The following NRG3 variants were observed in gnomAD, a reference collection of about 807,000 sequenced individuals.
NRG3 encodes the protein neuregulin 3.
A neutral mutation model predicts 66.9 loss-of-function variants in NRG3; 31 were observed. The ratio of observed to expected loss-of-function variants is 0.46; its 90% CI spans 0.35 to 0.63. The LOEUF (loss-of-function observed/expected upper bound fraction) is 0.63. NRG3 is among the 20% of genes least tolerant of loss of function. NRG3 has a pLI of 0.00. For missense variants in NRG3, 910 were observed against 878.9 expected, an observed-to-expected ratio of 1.04 and a Z score of -0.45; for synonymous variants, 393 against 359.4, an observed-to-expected ratio of 1.09 and a Z score of -1.06.
intron 1 of NRG3, among the ~76,000 whole-genome samples, chr10:82,079,781 T>C (rs974235136): frequency 6.6e-6 from 1 of 152,128 alleles, no homozygotes; most frequent in Non-Finnish European, 1.5e-5. Context: ...TTCCTTCATA[T>C]CTTTTCATGG....
chr10:82,164,484 AC>A (rs2071877303), intron 1 of NRG3, among the ~76,000 whole-genome samples: 1 of 152,102 alleles, frequency 6.6e-6, no homozygotes, highest in South Asian at 2.1e-4. Context: ...GTACTCATTA[AC>A]CAACCCCTCT....
chr10:82,749,667 C>T (rs1295978926), intron 3 of NRG3, among the ~76,000 whole-genome samples: 1 of 152,018 alleles, frequency 6.6e-6, no homozygotes. Flanking sequence ...CTCCACATCC[C>T]ATATTCATAA....
At chr10:82,635,910 T>C (rs962232324) in intron 2 of NRG3, among the ~76,000 whole-genome samples, 1 of 152,088 alleles carries the variant, frequency 6.6e-6, no homozygotes, top group African/African-American at 2.4e-5. Flanking sequence ...GGAAGGAGAT[T>C]GCCTGGTGAG....
At chr10:82,488,453 A>T (rs1325623676) in intron 2 of NRG3, among the ~76,000 whole-genome samples, 2 of 152,260 alleles carry the variant, frequency 1.3e-5, no homozygotes, top group Admixed American at 6.5e-5. Flanking sequence ...AATCTGGACT[A>T]CATTGAGAAA....
chr10:82,072,165 T>G (rs981107360), intron 1 of NRG3, among the ~76,000 whole-genome samples: 6 of 152,228 alleles, frequency 3.9e-5, no homozygotes, highest in African/African-American at 1.4e-4. Context: ...GATATAAAAC[T>G]GCACAGTACT....
intron 2 of NRG3, among the ~76,000 whole-genome samples, chr10:82,646,454 T>C (rs2133850366): frequency 6.6e-6 from 1 of 152,328 alleles, no homozygotes; most frequent in South Asian, 2.1e-4. Context: ...CTGTCACGTG[T>C]GGTTTGCATT....
rs1271986409 is a variant in NRG3 at position 82,290,220 on chromosome 10, T to C, written c.824-68519T>C. ...CTTTGGCTGTTCTCATAAGTCGTTATTGGTCAGCCTGAAGCCTCACTGTTA... is the reference window on the plus strand; with the variant it reads ...CTTTGGCTGTTCTCATAAGTCGTTACTGGTCAGCCTGAAGCCTCACTGTTA... On this transcript the variant is annotated intron_variant, in intron 1 of 8. Coordinates refer to ENST00000372141, the MANE Select transcript of NRG3 (RefSeq NM_001010848.4). Among the ~76,000 whole-genome samples, 3 of 152,202 alleles carry C rather than the reference T, an allele frequency of 2.0e-5. No individual in the cohort carries two copies. The East Asian group carries it at 5.8e-4, about 29-fold the overall frequency.
chr10:82,901,139 T>A (rs1307311889), intron 4 of NRG3, among the ~76,000 whole-genome samples: 1 of 152,232 alleles, frequency 6.6e-6, no homozygotes, highest in East Asian at 1.9e-4. Flanking sequence ...ATGTTTTTCA[T>A]TCCCTCCTGT....
intron 1 of NRG3, among the ~76,000 whole-genome samples, chr10:82,228,495 C>G (rs1336772397): frequency 6.6e-6 from 1 of 151,916 alleles, no homozygotes; most frequent in Non-Finnish European, 1.5e-5. Context: ...GCTGTGTGGC[C>G]ATGGATAAAC....
At chr10:82,492,816 T>A (rs1843270854) in intron 2 of NRG3, among the ~76,000 whole-genome samples, 1 of 152,232 alleles carries the variant, frequency 6.6e-6, no homozygotes, top group African/African-American at 2.4e-5. Flanking sequence ...TAGCAATTTA[T>A]CACAAAGGTC....
chr10:82,492,709 G>A (rs1843262695), intron 2 of NRG3, among the ~76,000 whole-genome samples: 1 of 152,206 alleles, frequency 6.6e-6, no homozygotes, highest in South Asian at 2.1e-4. Context: ...GAGACGAATA[G>A]CAAACCTTGG....
chr10:82,078,802 A>G (rs558958896), intron 1 of NRG3, among the ~76,000 whole-genome samples: 2 of 152,322 alleles, frequency 1.3e-5, no homozygotes, highest in East Asian at 1.9e-4. Flanking sequence ...TGTGGGGCTC[A>G]TAAGTATTTT....
chr10:82,543,492 T>A (rs1054301895), intron 2 of NRG3, among the ~76,000 whole-genome samples: 1 of 152,178 alleles, frequency 6.6e-6, no homozygotes, highest in Non-Finnish European at 1.5e-5. Flanking sequence ...AATGTCTTTA[T>A]CCATCTCCTA....
chr10:82,734,986 A>G (rs1591357366), intron 2 of NRG3, among the ~76,000 whole-genome samples: 1 of 150,718 alleles, frequency 6.6e-6, no homozygotes, highest in African/African-American at 2.5e-5. Flanking sequence ...CAGCCTGGAC[A>G]ACAGAGTAAG....
chr10:82,145,913 G>T (rs2070217820), intron 1 of NRG3, among the ~76,000 whole-genome samples: 2 of 152,080 alleles, frequency 1.3e-5, no homozygotes, highest in Admixed American at 1.3e-4. Context: ...CCAGGGTAAA[G>T]AATTAGGTTG....
intron 1 of NRG3, among the ~76,000 whole-genome samples, chr10:81,975,385 C>T (rs867131728): frequency 2.0e-5 from 3 of 151,518 alleles, no homozygotes; most frequent in African/African-American, 7.3e-5. Context: ...ATTCATCCAT[C>T]CATCCATCCC....
Position 82,637,689 on chromosome 10 carries a change from A to C in NRG3, c.954-100888A>C, listed in dbSNP as rs530278439. ...GTCATGAAAGTCAAGGAAAGACTGA[A>C]GAAATGTCTCAAACTGAAGAAAATA... On this transcript the variant is annotated intron_variant, in intron 2 of 8. Transcript: ENST00000372141. Among the ~76,000 whole-genome samples the C allele has an allele frequency of 2.0e-5, 3 of 152,342 alleles. No individual in the cohort carries two copies. In the East Asian group the frequency reaches 5.8e-4, roughly 29 times the overall value.
chr10:82,581,647 A>C (rs1172378135), intron 2 of NRG3, among the ~76,000 whole-genome samples: 2 of 151,998 alleles, frequency 1.3e-5, no homozygotes, highest in African/African-American at 4.8e-5. Context: ...GTGGAGATAA[A>C]TGTTGGTGAT....
chr10:82,097,424 AATAT>A (rs3036602), intron 1 of NRG3, among the ~76,000 whole-genome samples: 3,833 of 139,940 alleles, frequency 0.027, 140 homozygotes, highest in African/African-American at 0.091. Flanking sequence ...ATATATCTGT[AATAT>A]ATATATATAT....
Sources: gnomAD v4.1 joint callset for allele counts (sites outside exome capture counted in the v4.1 genomes callset) on GRCh38, gnomAD v4.1.1 for gene constraint, MANE v1.5 for transcripts, NCBI Gene and HGNC (gene_info 2026-07-23, HGNC 2026-07-21) for gene names.